Variants in MED14 observed in about 807,000 individuals in gnomAD.
The protein encoded by MED14 is mediator complex subunit 14, also known as mediator of RNA polymerase II transcription subunit 14.
Under a neutral mutation model 109.0 loss-of-function variants are expected in MED14, and 8 were observed. The observed-to-expected ratio is 0.07, with a 90% CI of 0.04 to 0.13. The LOEUF is 0.13. MED14 is among the 10% of genes least tolerant of loss of function. The pLI is 1.00. For synonymous variants in MED14, 399 were observed against 408.7 expected (o/e 0.98, Z 0.29); for missense variants, 711 against 1,142.4 (o/e 0.62, Z 5.44).
chrX:40,686,068 A>G (rs1432025946), intron 16 of MED14, among the ~76,000 whole-genome samples: 1 of 111,848 alleles, frequency 8.9e-6, no homozygotes, highest in African/African-American at 3.2e-5. Context: ...CTTCACTTCT[A>G]TACCCTACCC....
chrX:40,658,340 C>T (rs1929138685), intron 28 of MED14, among the ~76,000 whole-genome samples: 1 of 111,207 alleles, frequency 9.0e-6, no homozygotes, highest in Admixed American at 9.5e-5. Flanking sequence ...AATCTGCCTG[C>T]CTCAGCCCCC....
chrX:40,681,141 G>A (rs985434162), intron 19 of MED14, among the ~76,000 whole-genome samples: 1 of 112,237 alleles, frequency 8.9e-6, no homozygotes, highest in Non-Finnish European at 1.9e-5. Flanking sequence ...ACAGAAAGGC[G>A]CTAAAACAAC....
intron 3 of MED14, among the ~76,000 whole-genome samples, chrX:40,719,938 C>T (rs190632286): frequency 8.9e-6 from 1 of 112,187 alleles, no homozygotes; most frequent in Non-Finnish European, 1.9e-5. Context: ...ACTCATAACA[C>T]ATCTGGCATG....
chrX:40,682,796 TC>T (rs779521265), intron 17 of MED14, 39 bp downstream of exon 17: 5 of 1,207,077 alleles, frequency 4.1e-6, no homozygotes, highest in Non-Finnish European at 5.6e-6. Context: ...ACCAAAAAAA[TC>T]CAGAAATATG....
intron 16 of MED14, among the ~76,000 whole-genome samples, chrX:40,685,883 T>C (rs1930275996): frequency 8.9e-6 from 1 of 112,269 alleles, no homozygotes; most frequent in South Asian, 3.7e-4. Context: ...GTGCCAATTT[T>C]AAAGCTTTGA....
Position 40,679,488 on chromosome X carries a change from C to G in MED14, c.2880+376G>C, listed in dbSNP as rs151280386. On this transcript the variant is annotated intron_variant, in intron 21 of 30. Coordinates refer to ENST00000324817, the MANE Select transcript of MED14 (RefSeq NM_004229.4). ...TGCCGCTGCACTCCAGCCTGGGTGA[C>G]AGAGTGAGACTCTGTCTCATAAATA... 3.4e-4 allele frequency among the ~76,000 whole-genome samples: 38 copies of G among 111,699 alleles called. No homozygotes were observed. The East Asian group carries it at 6.5e-3, about 19-fold the overall frequency.
rs756378118 is a variant in MED14, at chrX:40,711,256, G to A, written c.935C>T (p.Thr312Ile). Residue 312 changes from threonine to isoleucine, a missense_variant, in exon 8 of 31, where the codon ACT becomes ATT. Thr to Ile is a moderately conservative substitution (Grantham distance 89). Transcript: ENST00000324817. ...CCACCGTTCTCGGATTAACATTAGA[G>A]TTTGGGAATGTAACACTTCTAACTG... ...SLQLEVLHSQ[T>I]LMLIRERWGD... is the part of the protein sequence containing the mutation. 7 of 1,202,407 alleles carry A rather than the reference G, an allele frequency of 5.8e-6. No individual in the cohort carries two copies. The East Asian group carries it at 1.8e-4, about 31-fold the overall frequency.
chrX:40,666,827 G>A lies in MED14; in HGVS notation c.3158C>T (p.Pro1053Leu). 1 of 1,182,534 alleles carries A rather than the reference G, an allele frequency of 8.5e-7. No individual in the cohort carries two copies. Among genetic ancestry groups the A allele is most frequent in the African/African-American group, 1.8e-5 (1 of 57,033 alleles). ...TGATGGGGCTCTCAAAGCCCCACTG[G>A]GGGAGCTGGCAGCATGCAGATTTCC... is the stretch of plus-strand genomic sequence containing the variant. ...SPGNLHAASS[P>L]SGALRAPSPA... Residue 1053 changes from proline to leucine, a missense_variant, in exon 24 of 31, where the codon CCC becomes CTC. By Grantham distance (98) the Pro-to-Leu change is moderately conservative. Around this residue, in one of 8 missense-constraint regions of MED14, gnomAD observed 100 missense variants for 147.5 expected, o/e 0.68. Coordinates refer to ENST00000324817, the MANE Select transcript of MED14 (RefSeq NM_004229.4).
intron 3 of MED14, among the ~76,000 whole-genome samples, chrX:40,715,508 T>TG (rs1931480390): frequency 9.0e-6 from 1 of 110,666 alleles, no homozygotes; most frequent in Non-Finnish European, 1.9e-5. Context: ...TGGCCTGGGC[T>TG]GGGTGCGGTG....
intron 8 of MED14, among the ~76,000 whole-genome samples, 171 bp from the exon 9 acceptor site, chrX:40,710,300 T>C (rs1216167070): frequency 2.7e-5 from 3 of 111,870 alleles, no homozygotes; most frequent in Admixed American, 9.5e-5. Context: ...TCCAATACAA[T>C]ATTTGATTTA....
At chrX:40,674,089 T>G (rs888496160) in intron 22 of MED14, among the ~76,000 whole-genome samples, 4 of 111,062 alleles carry the variant, frequency 3.6e-5, no homozygotes, top group African/African-American at 1.3e-4. Context: ...AGAAAAAAGC[T>G]GCTCTGATAT....
intron 15 of MED14, among the ~76,000 whole-genome samples, chrX:40,690,015 A>G (rs1798570853): frequency 8.9e-6 from 1 of 112,221 alleles, no homozygotes; most frequent in Non-Finnish European, 1.9e-5. Context: ...GCCTGTGGGT[A>G]GGGGAAGAGA....
chrX:40,651,592 G>A lies in MED14; in HGVS notation c.*214C>T. 1 of 940,962 alleles carries A rather than the reference G, an allele frequency of 1.1e-6. No homozygotes were observed. 77.5% of individuals were successfully genotyped at this position (940,962 alleles called of 1,213,427 possible). On this transcript the variant is annotated 3_prime_UTR_variant, in exon 31 of 31. Coordinates refer to ENST00000324817, the MANE Select transcript of MED14 (RefSeq NM_004229.4). ...GACACTGATTTATTTCCTTTGAAAT[G>A]TGTCCCATTTAAACACACTATACAA...
chrX:40,695,243 A>G (rs1930682853), intron 13 of MED14, among the ~76,000 whole-genome samples: 1 of 112,245 alleles, frequency 8.9e-6, no homozygotes, highest in Admixed American at 9.4e-5. Flanking sequence ...ACACAACTGT[A>G]TGCATTTATC....
At position 40,663,068 on chromosome X, in the gene MED14, C is replaced by A; in HGVS notation, c.3541G>T (p.Ala1181Ser). 8.3e-7 allele frequency: 1 copy of A among 1,211,635 alleles called. No individual in the cohort carries two copies. The highest frequency in any genetic ancestry group is 1.1e-6 in the Non-Finnish European group (1 of 895,243). Reference protein sequence around the residue: ...ASIPTILTHSALNILLLPSPT... With the variant: ...ASIPTILTHSSLNILLLPSPT... Reference sequence around the variant, plus strand: ...GAGGGCAGCAGTAAAATGTTCAAGGCACTGTGAGTGAGGATGGTAGGTATG... The same window carrying A: ...GAGGGCAGCAGTAAAATGTTCAAGGAACTGTGAGTGAGGATGGTAGGTATG... The change falls in exon 26 of 31, where the codon GCC becomes TCC. Residue 1181 changes from alanine to serine, a missense_variant. Ala to Ser is a moderately conservative substitution (Grantham distance 99). Coordinates refer to ENST00000324817, the MANE Select transcript of MED14 (RefSeq NM_004229.4).
chrX:40,681,968 G>A (rs779800349), intron 18 of MED14, 25 bp from the exon 19 acceptor site: 1 of 791,353 alleles, frequency 1.3e-6, no homozygotes, highest in East Asian at 3.4e-5. Context: ...ACAAAAAGGA[G>A]ATTAATATTA....
intron 12 of MED14, among the ~76,000 whole-genome samples, chrX:40,700,653 G>A (rs1369390645): frequency 9.0e-6 from 1 of 110,929 alleles, no homozygotes; most frequent in Non-Finnish European, 1.9e-5. Flanking sequence ...GTGTACCAGA[G>A]TGGTAATGAA....
At chrX:40,713,447 T>C (rs1931402462) in intron 5 of MED14, among the ~76,000 whole-genome samples, 1 of 112,224 alleles carries the variant, frequency 8.9e-6, no homozygotes, top group African/African-American at 3.2e-5. Flanking sequence ...CCCAAAAAGC[T>C]GTTTAGGAAA....
rs1364345240 is a variant in MED14 at position 40,651,141 on chromosome X, A to T, written c.*665T>A. ...AAATATATTAACCTTGACATAAAGA[A>T]GATGTTTTTGGTCAAATTTCAGACA... On this transcript the variant is annotated 3_prime_UTR_variant, in exon 31 of 31. Transcript: ENST00000324817. The T allele has an allele frequency of 1.9e-5, 14 of 749,541 alleles. No individual in the cohort carries two copies. In the South Asian group the frequency reaches 5.5e-4, roughly 29 times the overall value. 61.8% of individuals were successfully genotyped at this position (749,541 alleles called of 1,213,427 possible). A position where few individuals can be genotyped will look rare whatever the true frequency, so the allele number is the denominator to read the frequency against.
Sources: gnomAD v4.1 joint callset for allele counts (sites outside exome capture counted in the v4.1 genomes callset) on GRCh38, gnomAD v4.1.1 for gene constraint, gnomAD v4.1.1 regional missense constraint, MANE v1.5 for transcripts, NCBI Gene and HGNC (gene_info 2026-07-23, HGNC 2026-07-21) for gene names.